The following IRAK3 variants were observed in gnomAD, a reference collection of about 807,000 sequenced individuals.
IRAK3 encodes the protein interleukin-1 receptor-associated kinase 3.
In IRAK3, 57 loss-of-function variants were observed where a neutral mutation model predicts 56.6. That is an observed-to-expected ratio of 1.01 (90% confidence interval 0.81 to 1.26). The LOEUF is 1.26. Among genes scored for constraint, IRAK3 ranks in the 50% most tolerant of loss-of-function variants. IRAK3 has a pLI of 0.00. For synonymous variants in IRAK3, 258 were observed against 255.7 expected, an observed-to-expected ratio of 1.01 and a Z score of -0.09; for missense variants, 703 against 719.0, an observed-to-expected ratio of 0.98 and a Z score of 0.25.
chr12:66,190,925 A>C (rs538959544), intron 1 of IRAK3, among the ~76,000 whole-genome samples: 1 of 152,358 alleles, frequency 6.6e-6, no homozygotes, highest in African/African-American at 2.4e-5. Context: ...CCTAAAGTAC[A>C]GACATTTCTG....
intron 5 of IRAK3, among the ~76,000 whole-genome samples, chr12:66,215,087 A>C (rs995288435): frequency 2.6e-5 from 4 of 152,206 alleles, no homozygotes; most frequent in African/African-American, 4.8e-5. Context: ...GAAGATGAAC[A>C]GTCTGCTAAA....
chr12:66,247,742 A>G lies in IRAK3; in HGVS notation c.1362A>G (p.Glu454=). Residue 454 remains glutamate (E), a synonymous_variant, in exon 12 of 12, where the codon GAA becomes GAG. Coordinates refer to ENST00000261233, the MANE Select transcript of IRAK3 (RefSeq NM_007199.3). ...ESTQASLYFA[E]DPPTSLKSFR... The stretch of plus-strand genomic sequence containing the variant: ...CTCAAGCCAGCTTGTATTTTGCTGA[A>G]GATCCTCCCACATCACTAAAGTCCT... 1 of 1,614,186 alleles carries G rather than the reference A, an allele frequency of 6.2e-7. No homozygotes were observed. The highest frequency in any genetic ancestry group is 8.5e-7 in the Non-Finnish European group (1 of 1,180,008).
chr12:66,210,327 A>T (rs561006569), intron 4 of IRAK3, 126 bp downstream of exon 4: 1 of 648,252 alleles, frequency 1.5e-6, no homozygotes, highest in South Asian at 1.8e-5. Flanking sequence ...ATAAAATTTC[A>T]TAGATATTAA....
At chr12:66,213,059 TAAAAAAGAAA>T (rs1032237953) in intron 5 of IRAK3, among the ~76,000 whole-genome samples, 8 of 149,684 alleles carry the variant, frequency 5.3e-5, no homozygotes, top group Admixed American at 3.3e-4. Context: ...AAAAAATAAA[TAAAAAAGAAA>T]AAAAAAGAAA....
intron 8 of IRAK3, among the ~76,000 whole-genome samples, chr12:66,241,409 T>C (rs952861019): frequency 3.9e-5 from 6 of 152,188 alleles, no homozygotes; most frequent in Admixed American, 3.3e-4. Context: ...ATGACTGTAG[T>C]TGTGTTAGGT....
chr12:66,227,694 A>T (rs1251559545), intron 7 of IRAK3, among the ~76,000 whole-genome samples: 1 of 149,908 alleles, frequency 6.7e-6, no homozygotes, highest in Non-Finnish European at 1.5e-5. Context: ...AGGGACATGG[A>T]GGCTGTAGTG....
intron 1 of IRAK3, 117 bp from the exon 2 acceptor site, chr12:66,203,594 A>C (rs2052528964): frequency 4.2e-6 from 4 of 944,282 alleles, no homozygotes; most frequent in Non-Finnish European, 6.5e-6. Context: ...TAAAAGTTAT[A>C]AATAAGAGGA....
chr12:66,244,949 T>C lies in IRAK3; in HGVS notation c.1088T>C (p.Val363Ala). ...IKTDVYSFGIVIMEVLTGCRV... is the reference protein window; with the variant it reads ...IKTDVYSFGIAIMEVLTGCRV... ...TGACTTTCTATATATTCCTTGTAGGTAATAATGGAAGTTCTAACAGGATGT... is the reference window on the plus strand; with the variant it reads ...TGACTTTCTATATATTCCTTGTAGGCAATAATGGAAGTTCTAACAGGATGT... Residue 363 changes from valine to alanine, a missense_variant and splice_region_variant, in exon 10 of 12, where the codon GTA (valine) becomes GCA (alanine). Coordinates refer to ENST00000261233, the MANE Select transcript of IRAK3 (RefSeq NM_007199.3). The C allele has an allele frequency of 6.2e-7, 1 of 1,606,490 alleles. No individual in the cohort carries two copies. Among genetic ancestry groups the C allele is most frequent in the East Asian group, 2.2e-5 (1 of 44,854 alleles).
At chr12:66,228,113 T>A in intron 7 of IRAK3, 139 bp from the exon 8 acceptor site, 1 of 756,576 alleles carries the variant, frequency 1.3e-6, no homozygotes, top group Admixed American at 1.8e-5. Context: ...AAAATAGGTT[T>A]TGGAAAACCA....
At position 66,248,125 on chromosome 12, in the gene IRAK3, C is replaced by T; in HGVS notation, c.1745C>T (p.Ser582Phe). The change falls in exon 12 of 12, where the codon TCC (serine) becomes TTC (phenylalanine). Residue 582 changes from serine (S) to phenylalanine (F), a missense_variant. By Grantham distance (155) the Ser-to-Phe change is radical (BLOSUM62 -2). Coordinates refer to ENST00000261233, the MANE Select transcript of IRAK3 (RefSeq NM_007199.3). Reference protein sequence around the residue: ...CRSRPVESSCSSKFSWDEYEQ... With the variant: ...CRSRPVESSCFSKFSWDEYEQ... ...AGCAGGCCAGTGGAGAGCAGCTGTT[C>T]CTCCAAATTTTCCTGGGATGAATAT... The T allele has an allele frequency of 6.2e-7, 1 of 1,611,994 alleles. No homozygotes were observed. The highest frequency in any genetic ancestry group is 8.5e-7 in the Non-Finnish European group (1 of 1,179,256).
intron 6 of IRAK3, among the ~76,000 whole-genome samples, chr12:66,226,232 G>A (rs534648541): frequency 4.6e-5 from 7 of 150,912 alleles, no homozygotes; most frequent in Non-Finnish European, 7.4e-5. Flanking sequence ...ACTAGTATTT[G>A]TTAGAATTTT....
chr12:66,198,591 G>A (rs147062920), intron 1 of IRAK3, among the ~76,000 whole-genome samples: 7 of 152,194 alleles, frequency 4.6e-5, no homozygotes, highest in Non-Finnish European at 7.4e-5. Context: ...TTGTGCATAT[G>A]TCTTATCCCA....
chr12:66,236,427 G>T (rs936601113), intron 8 of IRAK3, among the ~76,000 whole-genome samples: 1 of 150,166 alleles, frequency 6.7e-6, no homozygotes, highest in African/African-American at 2.4e-5. Flanking sequence ...AATTAACCAG[G>T]CATAGTGGCT....
Position 66,203,695 on chromosome 12 carries a change from A to T in IRAK3, c.134-16A>T, listed in dbSNP as rs1285112013. ...GTACAGTAAACAATTCTTTGTTTAT[A>T]TTGCAATTTCCACAGCAGAGAGACT... On this transcript the variant is annotated splice_polypyrimidine_tract_variant and intron_variant, in intron 1 of 11. Transcript: ENST00000261233. The T allele has an allele frequency of 2.5e-6, 4 of 1,612,318 alleles. No homozygotes were observed. The highest frequency in any genetic ancestry group is 2.5e-6 in the Non-Finnish European group (3 of 1,178,626).
At chr12:66,236,209 G>A (rs2052905684) in intron 8 of IRAK3, among the ~76,000 whole-genome samples, 1 of 152,094 alleles carries the variant, frequency 6.6e-6, no homozygotes. Flanking sequence ...TCAGCAGGGA[G>A]GAGGGAGGAT....
rs1468937137 is a variant in IRAK3 at position 66,203,752 on chromosome 12, G to T, written c.175G>T (p.Glu59Ter). ...SSSWLDVRHI[E>*]KYVDQGKSGT... The stretch of plus-strand genomic sequence containing the variant: ...CAGCTGGCTGGATGTTCGTCATATT[G>T]AAAAGTATGTAGACCAAGGTAAAAG... The change falls in exon 2 of 12, where the codon GAA (glutamate) becomes TAA (stop). Residue 59 changes from glutamate to a stop codon, truncating the protein, a stop_gained. Coordinates refer to ENST00000261233, the MANE Select transcript of IRAK3 (RefSeq NM_007199.3). LOFTEE classifies it high-confidence loss of function. The T allele has an allele frequency of 6.2e-7, 1 of 1,614,074 alleles. No homozygotes were observed. The highest frequency in any genetic ancestry group is 8.5e-7 in the Non-Finnish European group (1 of 1,179,998).
At chr12:66,199,038 G>A (rs922207904) in intron 1 of IRAK3, among the ~76,000 whole-genome samples, 3 of 152,146 alleles carry the variant, frequency 2.0e-5, no homozygotes, top group East Asian at 3.8e-4. Flanking sequence ...GATTACAGGC[G>A]TGAGCCACTA....
chr12:66,209,554 A>G, intron 3 of IRAK3, 34 bp downstream of exon 3: 2 of 1,257,944 alleles, frequency 1.6e-6, no homozygotes, highest in Non-Finnish European at 2.3e-6. Flanking sequence ...TGAGCCTTGA[A>G]CTTTGTTGCA....
chr12:66,199,731 G>A lies in IRAK3; in HGVS notation c.134-3980G>A, dbSNP rs546485056. Among the ~76,000 whole-genome samples, 76 of 152,186 alleles carry A rather than the reference G, an allele frequency of 5.0e-4. 1 individual carries two copies. Among genetic ancestry groups the A allele is most frequent in the African/African-American group, 1.4e-3 (58 of 41,516 alleles). On this transcript the variant is annotated intron_variant, in intron 1 of 11. Coordinates refer to ENST00000261233, the MANE Select transcript of IRAK3 (RefSeq NM_007199.3). ...AATGTTTGAACTACACTGATTTGCA[G>A]TATTTCTCTTAAGAGTTTTTAGAAA...
Sources: gnomAD v4.1 joint callset for allele counts (sites outside exome capture counted in the v4.1 genomes callset) on GRCh38, gnomAD v4.1.1 for gene constraint, MANE v1.5 for transcripts, NCBI Gene and HGNC (gene_info 2026-07-23, HGNC 2026-07-21) for gene names.